SPATA21: variants seen among roughly 807,000 people sequenced by gnomAD.
SPATA21 encodes spermatogenesis-associated protein 21.
A neutral mutation model predicts 54.8 loss-of-function variants in SPATA21; 47 were observed. That is an observed-to-expected ratio of 0.86 (90% CI 0.68 to 1.09). SPATA21 has a LOEUF of 1.09. SPATA21 is among the 50% of genes least tolerant of loss of function. The pLI, the probability that SPATA21 is intolerant of heterozygous loss-of-function variation, is 0.00. For synonymous variants in SPATA21, 245 were observed against 235.3 expected, an observed-to-expected ratio of 1.04 and a Z score of -0.38; for missense variants, 599 against 596.4, an observed-to-expected ratio of 1.00 and a Z score of -0.05.
At chr1:16,408,482 GA>G in intron 7 of SPATA21, 1 of 985,446 alleles carries the variant, frequency 1.0e-6, no homozygotes, top group Non-Finnish European at 1.2e-6. Context: ...AAGGGAAGAA[GA>G]AACTATTCCA....
intron 5 of SPATA21, among the ~76,000 whole-genome samples, chr1:16,414,893 C>A (rs1403745158): frequency 3.9e-3 from 292 of 74,178 alleles, no homozygotes; most frequent in Middle Eastern, 0.011. Context: ...AACCTCATCT[C>A]AAAAAAAAAA....
downstream of SPATA21, chr1:16,396,162 A>G (rs1215581220): frequency 6.6e-6 from 1 of 152,636 alleles, no homozygotes; most frequent in Admixed American, 6.5e-5. Flanking sequence ...AAACCAGGAG[A>G]GAGTCTGCCT....
chr1:16,415,560 T>C (rs2085978222), intron 5 of SPATA21, among the ~76,000 whole-genome samples: 1 of 152,010 alleles, frequency 6.6e-6, no homozygotes, highest in Non-Finnish European at 1.5e-5. Flanking sequence ...CTATTATTAT[T>C]ATTATTATTC....
intron 5 of SPATA21, among the ~76,000 whole-genome samples, chr1:16,417,171 C>G (rs2086032417): frequency 6.6e-6 from 1 of 152,182 alleles, no homozygotes; most frequent in Admixed American, 6.6e-5. Flanking sequence ...CAGATGATGG[C>G]CCTCTCCATC....
chr1:16,430,375 G>A (rs1471678306), intron 3 of SPATA21, among the ~76,000 whole-genome samples: 1 of 152,192 alleles, frequency 6.6e-6, no homozygotes, highest in Non-Finnish European at 1.5e-5. Context: ...CGAGGCTGCA[G>A]TGAGTCGTGA....
Position 16,409,028 on chromosome 1 carries a change from G to T in SPATA21, c.673+90C>A. Reference sequence around the variant, plus strand: ...CACATGGCGGCAGCCATGTGATCTGGAAAGCACCCCAGTCCGCCCTGCGCC... The same window carrying T: ...CACATGGCGGCAGCCATGTGATCTGTAAAGCACCCCAGTCCGCCCTGCGCC... On this transcript the variant is annotated intron_variant, in intron 7 of 12. Transcript: ENST00000335496. The surrounding 1 kb of genome is among the most constrained non-coding windows in gnomAD (Gnocchi z 4.1). The T allele has an allele frequency of 7.1e-7, 1 of 1,399,066 alleles. No individual in the cohort carries two copies. The allele number at this position is 1,399,066 out of a possible 1,614,324, so 86.7% of individuals were successfully genotyped here. A position where few individuals can be genotyped will look rare whatever the true frequency, so the allele number is the denominator to read the frequency against.
At chr1:16,436,510 A>G (rs1260558494) in intron 1 of SPATA21, among the ~76,000 whole-genome samples, 1 of 152,172 alleles carries the variant, frequency 6.6e-6, no homozygotes, top group Non-Finnish European at 1.5e-5. Flanking sequence ...TCACGCCTGT[A>G]ATCCCAGAAC....
At chr1:16,406,381 A>G (rs1241518673) in intron 7 of SPATA21, among the ~76,000 whole-genome samples, 1 of 152,158 alleles carries the variant, frequency 6.6e-6, no homozygotes, top group African/African-American at 2.4e-5. Flanking sequence ...GCCTTTAAAG[A>G]GGTGAGAAAG....
At chr1:16,407,233 C>A (rs1220747160) in intron 7 of SPATA21, among the ~76,000 whole-genome samples, 1 of 152,148 alleles carries the variant, frequency 6.6e-6, no homozygotes, top group South Asian at 2.1e-4. Flanking sequence ...AAGGAAAAAC[C>A]AGAGCAACTC....
chr1:16,408,363 C>T (rs1434754829), intron 7 of SPATA21: 22 of 598,710 alleles, frequency 3.7e-5, no homozygotes, highest in Non-Finnish European at 4.4e-5. Context: ...CATGTTTAGG[C>T]TGGTGGCCTT....
intron 3 of SPATA21, 83 bp from the exon 4 acceptor site, chr1:16,422,054 C>G: frequency 6.2e-7 from 1 of 1,610,210 alleles, no homozygotes; most frequent in Non-Finnish European, 8.5e-7. Flanking sequence ...GCGGAGCCTC[C>G]TGTGGCCTGA....
At chr1:16,403,108 T>C (rs867618156) in intron 10 of SPATA21, among the ~76,000 whole-genome samples, 1 of 152,318 alleles carries the variant, frequency 6.6e-6, no homozygotes, top group South Asian at 2.1e-4. Context: ...GTTTCACCTA[T>C]GGCTATCTCT....
At chr1:16,405,246 A>T (rs1442680485) in intron 7 of SPATA21, 142 bp from the exon 8 acceptor site, 7 of 1,213,452 alleles carry the variant, frequency 5.8e-6, no homozygotes, top group African/African-American at 3.1e-5. Context: ...TCACACCTGT[A>T]ATCCCAACAT....
At chr1:16,396,307 C>T (rs1440310923), downstream of SPATA21, 1 of 152,268 alleles carries the variant, frequency 6.6e-6, no homozygotes, top group African/African-American at 2.4e-5. Flanking sequence ...ATACCTGGTA[C>T]ATTTCCTGTG....
At position 16,400,843 on chromosome 1, in the gene SPATA21, C is replaced by G; in HGVS notation, c.1051G>C (p.Glu351Gln). The G allele has an allele frequency of 6.2e-7, 1 of 1,614,100 alleles. No homozygotes were observed. The highest frequency in any genetic ancestry group is 1.7e-5 in the Admixed American group (1 of 60,030). ...AACCGCAGCCGGCCTACGGCCGCTT[C>G]CATCTCCTGGGCCTTGCAGGTGCCT... ...KEGTCKAQEMEAAVGRLRLQK... is the reference protein window; with the variant it reads ...KEGTCKAQEMQAAVGRLRLQK... The change falls in exon 11 of 13, where the codon GAA becomes CAA. Residue 351 changes from glutamate to glutamine, a missense_variant. By Grantham distance (29) the Glu-to-Gln change is conservative (BLOSUM62 2). Coordinates refer to ENST00000335496, the MANE Select transcript of SPATA21 (RefSeq NM_198546.1).
At chr1:16,434,465 T>A (rs1266675365) in intron 1 of SPATA21, among the ~76,000 whole-genome samples, 2 of 152,078 alleles carry the variant, frequency 1.3e-5, no homozygotes, top group East Asian at 1.9e-4. Flanking sequence ...GTCTTAAAAA[T>A]TTTTTAATTT....
intron 12 of SPATA21, 113 bp from the exon 13 acceptor site, chr1:16,398,935 A>G: frequency 8.9e-7 from 1 of 1,129,634 alleles, no homozygotes; most frequent in Non-Finnish European, 1.3e-6. Context: ...GCCTCCCCTC[A>G]GAAATGGTGG....
In SPATA21 at chr1:16,436,353, C is replaced by T. The variant is rs2086584622; in HGVS notation, c.-187+775G>A. On this transcript the variant is annotated intron_variant, in intron 1 of 12. Coordinates refer to ENST00000335496, the MANE Select transcript of SPATA21 (RefSeq NM_198546.1). ...AGTGAGCCGAGATCGCACCATTGCA[C>T]TCCAGCCTAGATGACAGGGTGAGAC... is the stretch of plus-strand genomic sequence containing the variant. Among the ~76,000 whole-genome samples the T allele has an allele frequency of 5.4e-5, 8 of 148,606 alleles. No individual in the cohort carries two copies. In the South Asian group the frequency reaches 1.5e-3, roughly 28 times the overall value.
In SPATA21 at chr1:16,398,827, GGA is replaced by G. The variant is rs59306366; in HGVS notation, c.1353-7_1353-6del. The G allele has an allele frequency of 5.2e-3, 8,460 of 1,612,972 alleles. 359 individuals carry two copies. The African/African-American group carries it at 0.094, about 18-fold the overall frequency. On this transcript the variant is annotated splice_region_variant and splice_polypyrimidine_tract_variant and intron_variant, in intron 12 of 12. Coordinates refer to ENST00000335496, the MANE Select transcript of SPATA21 (RefSeq NM_198546.1). ...CTGCTGTCAGAGTTGTGTTCCCTGG[GGA>G]GAGGAGTAGGGCAGAAGGGTGGGAG...
Sources: allele counts gnomAD v4.1 joint callset (sites outside exome capture counted in the v4.1 genomes callset), GRCh38; gene constraint gnomAD v4.1.1; non-coding constraint Gnocchi (gnomAD v3.1); transcripts MANE v1.5; gene names NCBI Gene and HGNC (gene_info 2026-07-23, HGNC 2026-07-21).